Variants in FAT3 observed in about 807,000 individuals in gnomAD.
The protein encoded by FAT3 is protocadherin Fat 3.
In FAT3, 95 loss-of-function variants were observed where a neutral mutation model predicts 310.2. That is an observed-to-expected ratio of 0.31 (90% confidence interval 0.26 to 0.36). The LOEUF is 0.36. Ranked by LOEUF, FAT3 falls within the 10% of genes least tolerant of loss-of-function variation. The probability of loss-of-function intolerance (pLI) is 1.00; values close to 1 mark genes in which losing one functional copy is unlikely to be tolerated. For synonymous variants in FAT3, 2,314 were observed against 2,192.9 expected, an observed-to-expected ratio of 1.06 and a Z score of -1.54; for missense variants, 5,408 against 5,715.6, an observed-to-expected ratio of 0.95 and a Z score of 1.74.
intron 4 of FAT3, among the ~76,000 whole-genome samples, chr11:92,717,376 T>A (rs991471079): frequency 2.0e-5 from 3 of 152,194 alleles, no homozygotes; most frequent in African/African-American, 7.2e-5. Context: ...ATATATACAA[T>A]TGTGGGTGTG....
intron 2 of FAT3, among the ~76,000 whole-genome samples, chr11:92,486,468 G>T (rs1212605208): frequency 6.6e-6 from 1 of 151,960 alleles, no homozygotes; most frequent in Non-Finnish European, 1.5e-5. Flanking sequence ...ACAGGGAAAA[G>T]AATGTAGGAT....
intron 1 of FAT3, among the ~76,000 whole-genome samples, chr11:92,232,628 GTTTTTTTTT>G (rs56273706): frequency 1.3e-5 from 1 of 74,730 alleles, no homozygotes; most frequent in Non-Finnish European, 2.4e-5. Flanking sequence ...CAGTGATGTC[GTTTTTTTTT>G]TTTTTTTTTT....
Position 92,831,635 on chromosome 11 carries a change from G to C in FAT3, c.9495G>C (p.Lys3165Asn). 6.2e-7 allele frequency: 1 copy of C among 1,611,878 alleles called. No individual in the cohort carries two copies. The highest frequency in any genetic ancestry group is 1.7e-5 in the Admixed American group (1 of 59,930). ...AVDPDIGINR[K>N]VVYSLADSAG... ...TCTCTCCCACAGGCATCAATAGGAA[G>C]GTCGTGTACTCCCTGGCAGACTCAG... The change falls in exon 14 of 28, where the codon AAG becomes AAC. Residue 3165 changes from lysine (K) to asparagine (N), a missense_variant. By Grantham distance (94) the Lys-to-Asn change is moderately conservative. Coordinates refer to ENST00000525166, the MANE Select transcript of FAT3 (RefSeq NM_001367949.2).
At chr11:92,379,588 G>A (rs1949440088) in intron 2 of FAT3, among the ~76,000 whole-genome samples, 1 of 152,124 alleles carries the variant, frequency 6.6e-6, no homozygotes, top group Admixed American at 6.6e-5. Flanking sequence ...CTTGGACTGG[G>A]ACAATTCATT....
intron 3 of FAT3, among the ~76,000 whole-genome samples, chr11:92,619,082 G>A (rs956617410): frequency 6.6e-6 from 1 of 152,086 alleles, no homozygotes; most frequent in African/African-American, 2.4e-5. Flanking sequence ...CTTTTTCTGA[G>A]TCTATCAGGA....
At chr11:92,544,574 C>A (rs1954557110) in intron 3 of FAT3, among the ~76,000 whole-genome samples, 1 of 152,142 alleles carries the variant, frequency 6.6e-6, no homozygotes, top group South Asian at 2.1e-4. Context: ...TGCCCTGGGA[C>A]AAACTGTGTC....
At chr11:92,855,665 T>G (rs559503128) in intron 19 of FAT3, among the ~76,000 whole-genome samples, 3 of 152,172 alleles carry the variant, frequency 2.0e-5, no homozygotes, top group African/African-American at 7.2e-5. Context: ...GACTACAGAT[T>G]TGGTTGGGGA....
intron 7 of FAT3, among the ~76,000 whole-genome samples, chr11:92,779,165 T>A (rs1364431212): frequency 2.6e-5 from 4 of 151,976 alleles, no homozygotes; most frequent in Non-Finnish European, 5.9e-5. Context: ...AGTATCCAGG[T>A]AGAAACAGAG....
rs1014120251 is a variant in FAT3 at position 92,895,270 on chromosome 11, G to A, written c.*4157G>A. On this transcript the variant is annotated 3_prime_UTR_variant, in exon 28 of 28. Coordinates refer to ENST00000525166, the MANE Select transcript of FAT3 (RefSeq NM_001367949.2). ...GGTGGTTATATGTTTTTGCTGGTTTGTGTCCCACAGTGTTCAACTGCACAT... is the reference window on the plus strand; with the variant it reads ...GGTGGTTATATGTTTTTGCTGGTTTATGTCCCACAGTGTTCAACTGCACAT... 6.6e-6 allele frequency: 1 copy of A among 152,200 alleles called. No homozygotes were observed. Among genetic ancestry groups the A allele is most frequent in the African/African-American group, 2.4e-5 (1 of 41,458 alleles). The allele number at this position is 152,200 out of a possible 1,614,324, so 9.4% of individuals were successfully genotyped here. A position where few individuals can be genotyped will look rare whatever the true frequency, so the allele number is the denominator to read the frequency against.
At chr11:92,533,922 G>T (rs553564036) in intron 3 of FAT3, among the ~76,000 whole-genome samples, 1 of 152,040 alleles carries the variant, frequency 6.6e-6, no homozygotes, top group Non-Finnish European at 1.5e-5. Flanking sequence ...AGCAGATGAT[G>T]GAGCTGTATT....
chr11:92,639,101 T>A (rs1418219405), intron 3 of FAT3, among the ~76,000 whole-genome samples: 1 of 152,152 alleles, frequency 6.6e-6, no homozygotes, highest in Admixed American at 6.5e-5. Flanking sequence ...CACAAATGAA[T>A]TAAGCCAGGC....
intron 2 of FAT3, among the ~76,000 whole-genome samples, chr11:92,359,234 A>G (rs996596842): frequency 6.6e-6 from 1 of 152,114 alleles, no homozygotes; most frequent in African/African-American, 2.4e-5. Context: ...TTTCTGTAAA[A>G]TATTTTTTCT....
chr11:92,428,873 G>GTT (rs2135015097), intron 2 of FAT3, among the ~76,000 whole-genome samples: 1 of 152,288 alleles, frequency 6.6e-6, no homozygotes, highest in East Asian at 1.9e-4. Context: ...GGGGTGGAGA[G>GTT]TTCTGCAGAT....
chr11:92,601,171 T>C (rs372229186), intron 3 of FAT3, among the ~76,000 whole-genome samples: 1 of 151,800 alleles, frequency 6.6e-6, no homozygotes, highest in Admixed American at 6.6e-5. Context: ...AAAGATTATC[T>C]AGCTGCTATG....
intron 21 of FAT3, among the ~76,000 whole-genome samples, chr11:92,859,769 A>G (rs1288074495): frequency 1.3e-5 from 2 of 152,186 alleles, no homozygotes; most frequent in Non-Finnish European, 2.9e-5. Context: ...CGTATGTCCT[A>G]TCATGACCCA....
intron 3 of FAT3, among the ~76,000 whole-genome samples, chr11:92,553,000 T>C (rs561331899): frequency 8.8e-4 from 120 of 136,768 alleles, no homozygotes; most frequent in South Asian, 8.6e-3. Context: ...TGGAAGGAAA[T>C]AGAGGAAATA....
chr11:92,790,317 T>A (rs1947007637), intron 8 of FAT3, 99 bp downstream of exon 8: 2 of 1,272,216 alleles, frequency 1.6e-6, no homozygotes, highest in Non-Finnish European at 2.2e-6. Context: ...ATTTTATAAG[T>A]AGTTGTAAAT....
In FAT3 at chr11:92,261,151, A is replaced by G. The variant is rs1865537181; in HGVS notation, c.-18+35977A>G. On this transcript the variant is annotated intron_variant, in intron 1 of 27. Transcript: ENST00000525166. ...TCCCTGTGCTCAGGAAATCTGTGAAAAGATAGTATTTTCAGAGGCAAAATT... is the reference window on the plus strand; with the variant it reads ...TCCCTGTGCTCAGGAAATCTGTGAAGAGATAGTATTTTCAGAGGCAAAATT... Among the ~76,000 whole-genome samples, 3 of 152,178 alleles carry G rather than the reference A, an allele frequency of 2.0e-5. No individual in the cohort carries two copies. In the South Asian group the frequency reaches 6.2e-4, roughly 32 times the overall value.
At chr11:92,826,139 C>G (rs1948098841) in intron 13 of FAT3, among the ~76,000 whole-genome samples, 1 of 152,128 alleles carries the variant, frequency 6.6e-6, no homozygotes, top group African/African-American at 2.4e-5. Context: ...AGTGTCATAG[C>G]CTGTGTCTCC....
Sources: gnomAD v4.1 joint callset for allele counts (sites outside exome capture counted in the v4.1 genomes callset) on GRCh38, gnomAD v4.1.1 for gene constraint, MANE v1.5 for transcripts, NCBI Gene and HGNC (gene_info 2026-07-23, HGNC 2026-07-21) for gene names.